Variants in EXTL3 observed in about 807,000 individuals in gnomAD.
EXTL3 encodes the protein exostosin like glycosyltransferase 3, also known as exostosin-like 3.
EXTL3 carries 27 observed loss-of-function variants against 69.3 expected under a neutral mutation model. The observed-to-expected ratio is 0.39, with a 90% CI of 0.29 to 0.54. The LOEUF (loss-of-function observed/expected upper bound fraction) is 0.54. EXTL3 is among the 20% of genes least tolerant of loss of function. The pLI is 0.69. For synonymous variants in EXTL3, 511 were observed against 499.4 expected (o/e 1.02, Z -0.31); for missense variants, 1,003 against 1,231.8 (o/e 0.81, Z 2.78).
chr8:28,687,470 A>T (rs1807596173), intron 1 of EXTL3, among the ~76,000 whole-genome samples: 1 of 152,190 alleles, frequency 6.6e-6, no homozygotes, highest in Non-Finnish European at 1.5e-5. Flanking sequence ...CATCTCAAAA[A>T]GGAAAAAAAG....
At chr8:28,649,856 A>ATT (rs58608337) in intron 1 of EXTL3, among the ~76,000 whole-genome samples, 19 of 151,666 alleles carry the variant, frequency 1.3e-4, no homozygotes, top group Non-Finnish European at 2.4e-4. Context: ...TAAAGTTTTG[A>ATT]TTTTTTTTAC....
intron 2 of EXTL3, among the ~76,000 whole-genome samples, chr8:28,610,456 A>C (rs1806256908): frequency 6.6e-6 from 1 of 152,102 alleles, no homozygotes; most frequent in Non-Finnish European, 1.5e-5. Context: ...CCTGGCAAAT[A>C]CACTACCTGT....
rs371352200 is a variant in EXTL3 at position 28,716,774 on chromosome 8, G to A, written c.715G>A (p.Val239Met). The A allele has an allele frequency of 6.8e-6, 11 of 1,614,238 alleles. No individual in the cohort carries two copies. The highest frequency in any genetic ancestry group is 4.4e-5 in the South Asian group (4 of 91,090). Residue 239 changes from valine to methionine, a missense_variant, in exon 3 of 7, where the codon GTG (valine) becomes ATG (methionine). By Grantham distance (21) the Val-to-Met change is conservative (BLOSUM62 1). Coordinates refer to ENST00000220562, the MANE Select transcript of EXTL3 (RefSeq NM_001440.4). The surrounding 1 kb of genome is among the most constrained non-coding windows in gnomAD (Gnocchi z 7.1). ...TENADIACLY[V>M]ILVGEMQEPV... Reference sequence around the variant, plus strand: ...AAATGCAGACATCGCCTGCCTTTACGTGATACTAGTGGGAGAGATGCAGGA... The same window carrying A: ...AAATGCAGACATCGCCTGCCTTTACATGATACTAGTGGGAGAGATGCAGGA...
intron 1 of EXTL3, among the ~76,000 whole-genome samples, chr8:28,676,411 C>A (rs561975027): frequency 1.3e-5 from 2 of 152,160 alleles, no homozygotes; most frequent in South Asian, 4.1e-4. Flanking sequence ...GGGTGGCAGG[C>A]GCCAAGGGGG....
At chr8:28,687,028 C>T (rs368340012) in intron 1 of EXTL3, among the ~76,000 whole-genome samples, 29 of 152,274 alleles carry the variant, frequency 1.9e-4, no homozygotes, top group African/African-American at 6.0e-4. Context: ...AGCCATGAGA[C>T]TTTGAGGTGG....
intron 1 of EXTL3, among the ~76,000 whole-genome samples, chr8:28,672,748 G>C (rs1439948380): frequency 6.6e-6 from 1 of 151,828 alleles, no homozygotes; most frequent in African/African-American, 2.4e-5. Flanking sequence ...TAGTTGCTTG[G>C]TGGTGATGTA....
intron 1 of EXTL3, among the ~76,000 whole-genome samples, chr8:28,633,202 T>G (rs1806598040): frequency 6.6e-6 from 1 of 151,756 alleles, no homozygotes; most frequent in Non-Finnish European, 1.5e-5. Context: ...GGCAGGTGTG[T>G]TGGCGCACGC....
chr8:28,702,602 G>T (rs1449772800), intron 1 of EXTL3, among the ~76,000 whole-genome samples: 2 of 55,604 alleles, frequency 3.6e-5, no homozygotes, highest in Non-Finnish European at 3.4e-5. Context: ...CCCGCAACCT[G>T]GATTTTTCTT....
chr8:28,615,559 T>C (rs1806320659), intron 2 of EXTL3, among the ~76,000 whole-genome samples: 3 of 152,130 alleles, frequency 2.0e-5, no homozygotes, highest in South Asian at 2.1e-4. Flanking sequence ...TTAATATAGC[T>C]ACTCCAGTTT....
At chr8:28,720,293 C>T (rs2130747517) in intron 3 of EXTL3, among the ~76,000 whole-genome samples, 1 of 152,240 alleles carries the variant, frequency 6.6e-6, no homozygotes, top group East Asian at 1.9e-4. Context: ...ATTCAATACG[C>T]TAAGGTTAAT....
intron 5 of EXTL3, chr8:28,742,822 C>A: frequency 7.2e-6 from 3 of 418,752 alleles, no homozygotes; most frequent in Non-Finnish European, 1.3e-5. Flanking sequence ...GTATTGATTT[C>A]AAAATCACTG....
rs1585259951 is a variant in EXTL3 at position 28,701,632 on chromosome 8, C to T, written c.-597C>T. On this transcript the variant is annotated 5_prime_UTR_variant, in exon 1 of 7. Coordinates refer to ENST00000220562, the MANE Select transcript of EXTL3 (RefSeq NM_001440.4). Reference sequence around the variant, plus strand: ...ACTTTCGCGCAGGCGGCGGCGGCGGCGGCGGCGGGTCCCTGAGCTGGAAGC... The same window carrying T: ...ACTTTCGCGCAGGCGGCGGCGGCGGTGGCGGCGGGTCCCTGAGCTGGAAGC... The T allele has an allele frequency of 6.1e-6, 1 of 163,802 alleles. No individual in the cohort carries two copies. Among genetic ancestry groups the T allele is most frequent in the Non-Finnish European group, 1.3e-5 (1 of 77,170 alleles). 10.1% of individuals were successfully genotyped at this position (163,802 alleles called of 1,614,324 possible).
At chr8:28,610,585 C>T (rs1806258708) in intron 2 of EXTL3, among the ~76,000 whole-genome samples, 1 of 152,152 alleles carries the variant, frequency 6.6e-6, no homozygotes. Flanking sequence ...CGGGCGCTTT[C>T]ATGTGTCAGC....
Position 28,645,413 on chromosome 8 carries a change from C to T in EXTL3, c.-53+22603C>T, listed in dbSNP as rs118057833. 2.9e-3 allele frequency among the ~76,000 whole-genome samples: 440 copies of T among 152,210 alleles called. 3 individuals carry two copies. The highest frequency in any genetic ancestry group is 4.6e-3 in the Non-Finnish European group (315 of 68,012). On this transcript the variant is annotated intron_variant, in intron 1 of 6. Transcript: ENST00000523149. ...ACCATGGGGATTTAACACATAAGTACAATGGAATTCCTCTGTTAAAAATAA... is the reference window on the plus strand; with the variant it reads ...ACCATGGGGATTTAACACATAAGTATAATGGAATTCCTCTGTTAAAAATAA...
intron 2 of EXTL3, among the ~76,000 whole-genome samples, chr8:28,612,206 C>T (rs976523572): frequency 3.3e-5 from 5 of 152,166 alleles, no homozygotes; most frequent in African/African-American, 1.2e-4. Flanking sequence ...GTAATCCCAG[C>T]ACTTTGGAAG....
intron 2 of EXTL3, among the ~76,000 whole-genome samples, chr8:28,608,875 C>T (rs753033401): frequency 1.3e-5 from 2 of 151,972 alleles, no homozygotes; most frequent in Non-Finnish European, 2.9e-5. Flanking sequence ...AAAACAAAAA[C>T]AAAAACAAAA....
intron 1 of EXTL3, among the ~76,000 whole-genome samples, chr8:28,707,448 A>C (rs149370097): frequency 6.6e-6 from 1 of 152,376 alleles, no homozygotes; most frequent in African/African-American, 2.4e-5. Context: ...ATAAATCAGT[A>C]GCAATTATGA....
chr8:28,622,528 G>A (rs1806428688), upstream of EXTL3, among the ~76,000 whole-genome samples: 2 of 151,508 alleles, frequency 1.3e-5, no homozygotes, highest in Non-Finnish European at 2.9e-5. Context: ...GGGCCTCCGA[G>A]GAAAGGGCCG....
intron 1 of EXTL3, among the ~76,000 whole-genome samples, chr8:28,709,866 A>G (rs1335460312): frequency 1.3e-5 from 2 of 152,170 alleles, no homozygotes; most frequent in Non-Finnish European, 1.5e-5. Flanking sequence ...GAACACCAGC[A>G]CGTGCACAGT....
Sources: allele counts gnomAD v4.1 joint callset (sites outside exome capture counted in the v4.1 genomes callset), GRCh38; gene constraint gnomAD v4.1.1; non-coding constraint Gnocchi (gnomAD v3.1); transcripts MANE v1.5; gene names NCBI Gene and HGNC (gene_info 2026-07-23, HGNC 2026-07-21).